Variants in TMEM120B observed in about 807,000 individuals in gnomAD.
TMEM120B encodes transmembrane protein 120B.
TMEM120B carries 31 observed loss-of-function variants against 55.5 expected under a neutral mutation model. The observed-to-expected ratio is 0.56, with a 90% CI of 0.42 to 0.75. The LOEUF (loss-of-function observed/expected upper bound fraction) is 0.75, where lower values mean the gene tolerates loss of function less well. Ranked by LOEUF, TMEM120B falls within the 30% of genes least tolerant of loss-of-function variation. The probability of loss-of-function intolerance (pLI) is 0.00; values close to 1 mark genes in which losing one functional copy is unlikely to be tolerated. For missense variants in TMEM120B, 399 were observed against 425.5 expected (o/e 0.94, Z 0.55); for synonymous variants, 203 against 176.3 (o/e 1.15, Z -1.20).
intron 3 of TMEM120B, 151 bp from the exon 4 acceptor site, chr12:121,750,229 C>T (rs889585075): frequency 3.0e-5 from 22 of 723,780 alleles, no homozygotes; most frequent in Non-Finnish European, 4.7e-5. Context: ...CATTCTCACT[C>T]GATGTGGGGG....
intron 1 of TMEM120B, among the ~76,000 whole-genome samples, chr12:121,716,540 C>T (rs1368914016): frequency 1.3e-5 from 2 of 148,384 alleles, no homozygotes; most frequent in Non-Finnish European, 3.0e-5. Context: ...CTGTGTCTTA[C>T]CTCTTTTTCT....
chr12:121,773,820 A>C (rs964833919), intron 9 of TMEM120B, among the ~76,000 whole-genome samples: 2 of 151,664 alleles, frequency 1.3e-5, no homozygotes, highest in Non-Finnish European at 2.9e-5. Context: ...ACCAACACGT[A>C]TAAGTATATA....
Position 121,777,883 on chromosome 12 carries a change from G to A in TMEM120B, c.*2161G>A, listed in dbSNP as rs1278949277. The A allele has an allele frequency of 6.6e-6, 1 of 152,224 alleles. No homozygotes were observed. The highest frequency in any genetic ancestry group is 1.5e-5 in the Non-Finnish European group (1 of 68,038). The allele number at this position is 152,224 out of a possible 1,614,324, so 9.4% of individuals were successfully genotyped here. A position where few individuals can be genotyped will look rare whatever the true frequency, so the allele number is the denominator to read the frequency against. On this transcript the variant is annotated 3_prime_UTR_variant, in exon 12 of 12. Transcript: ENST00000449592. ...GGTTCTTCGAGAACAAGAACTCCTT[G>A]GTTGATTCCCCAGGGTACGGCAGGG... is the stretch of plus-strand genomic sequence containing the variant.
At chr12:121,730,680 G>A (rs529754963) in intron 1 of TMEM120B, among the ~76,000 whole-genome samples, 34 of 147,582 alleles carry the variant, frequency 2.3e-4, no homozygotes, top group Non-Finnish European at 3.6e-4. Context: ...AAAAAAAACC[G>A]GGCGCGGTGG....
intron 1 of TMEM120B, among the ~76,000 whole-genome samples, chr12:121,733,242 A>G (rs567895151): frequency 1.9e-4 from 29 of 151,912 alleles, no homozygotes; most frequent in Non-Finnish European, 3.5e-4. Flanking sequence ...GTGTATCCAT[A>G]TATTCTTTTT....
chr12:121,743,474 C>T (rs1872990739), intron 1 of TMEM120B, 155 bp from the exon 2 acceptor site: 5 of 521,330 alleles, frequency 9.6e-6, no homozygotes, highest in Non-Finnish European at 1.4e-5. Context: ...AGGAGAATCG[C>T]TTGAACCCAG....
chr12:121,733,499 C>T (rs1227388563), intron 1 of TMEM120B, among the ~76,000 whole-genome samples: 1 of 151,326 alleles, frequency 6.6e-6, no homozygotes, highest in Non-Finnish European at 1.5e-5. Context: ...CCGCCTCGGC[C>T]TCCCAAAGTG....
chr12:121,713,785 T>C (rs1894644950), intron 1 of TMEM120B, among the ~76,000 whole-genome samples: 1 of 152,110 alleles, frequency 6.6e-6, no homozygotes, highest in African/African-American at 2.4e-5. Flanking sequence ...AACCTTGGGG[T>C]TGACCAAGAG....
intron 1 of TMEM120B, among the ~76,000 whole-genome samples, chr12:121,735,884 G>A (rs1426902982): frequency 6.6e-6 from 1 of 151,988 alleles, no homozygotes; most frequent in Non-Finnish European, 1.5e-5. Flanking sequence ...AGAGACGGGG[G>A]TTTCACCGTG....
chr12:121,773,376 C>T (rs770982873), intron 8 of TMEM120B, 45 bp from the exon 9 acceptor site: 103 of 1,555,642 alleles, frequency 6.6e-5, no homozygotes, highest in Non-Finnish European at 8.3e-5. Context: ...CCCTGTCTTC[C>T]GGGGACACCA....
chr12:121,715,729 C>T (rs1347572628), intron 1 of TMEM120B, among the ~76,000 whole-genome samples: 1 of 152,066 alleles, frequency 6.6e-6, no homozygotes, highest in East Asian at 1.9e-4. Context: ...TAGATCGGAG[C>T]AGAAACTGCC....
intron 1 of TMEM120B, 57 bp downstream of exon 1, chr12:121,713,021 C>T (rs1566502694): frequency 1.4e-6 from 2 of 1,408,648 alleles, no homozygotes; most frequent in Non-Finnish European, 1.9e-6. Context: ...GCGCCTTGCC[C>T]TTCCTGAGCC....
intron 1 of TMEM120B, among the ~76,000 whole-genome samples, chr12:121,727,523 A>G (rs1238549673): frequency 1.5e-5 from 2 of 135,786 alleles, no homozygotes; most frequent in Admixed American, 1.6e-4. Context: ...CATGACAGAG[A>G]GAGACCCTGT....
chr12:121,757,211 G>T (rs1358969779), intron 5 of TMEM120B, among the ~76,000 whole-genome samples: 1 of 151,848 alleles, frequency 6.6e-6, no homozygotes, highest in Non-Finnish European at 1.5e-5. Flanking sequence ...ACCCAGGCTG[G>T]AGTACAGTGG....
At chr12:121,715,156 T>C (rs1894677187) in intron 1 of TMEM120B, among the ~76,000 whole-genome samples, 2 of 151,958 alleles carry the variant, frequency 1.3e-5, no homozygotes, top group African/African-American at 4.8e-5. Flanking sequence ...GCCAACACAG[T>C]GAGACCCTGT....
chr12:121,759,344 G>A (rs1430742737), intron 5 of TMEM120B, among the ~76,000 whole-genome samples: 7 of 152,086 alleles, frequency 4.6e-5, no homozygotes, highest in Non-Finnish European at 1.0e-4. Flanking sequence ...GGGGCATAAG[G>A]CAGAAGAAGA....
intron 1 of TMEM120B, among the ~76,000 whole-genome samples, chr12:121,742,812 T>C (rs1170041315): frequency 1.3e-5 from 2 of 152,044 alleles, no homozygotes; most frequent in Non-Finnish European, 2.9e-5. Context: ...TCCTGACCTC[T>C]GATCTACCTG....
chr12:121,724,314 T>C (rs1438221775), intron 1 of TMEM120B, among the ~76,000 whole-genome samples: 1 of 151,958 alleles, frequency 6.6e-6, no homozygotes, highest in African/African-American at 2.4e-5. Context: ...GGATTACAGG[T>C]GTGAGCAACT....
intron 1 of TMEM120B, among the ~76,000 whole-genome samples, chr12:121,718,210 C>T (rs1254709876): frequency 6.6e-6 from 1 of 152,188 alleles, no homozygotes; most frequent in Admixed American, 6.6e-5. Flanking sequence ...TGGCCTGGCG[C>T]AGTGGCCCAT....
Sources: gnomAD v4.1 joint callset for allele counts (sites outside exome capture counted in the v4.1 genomes callset) on GRCh38, gnomAD v4.1.1 for gene constraint, MANE v1.5 for transcripts, NCBI Gene and HGNC (gene_info 2026-07-23, HGNC 2026-07-21) for gene names.